The following PDE10A variants were observed in gnomAD, a reference collection of about 807,000 sequenced individuals.
PDE10A encodes cAMP and cAMP-inhibited cGMP 3',5'-cyclic phosphodiesterase 10A.
PDE10A carries 39 observed loss-of-function variants against 97.7 expected under a neutral mutation model. That is an observed-to-expected ratio of 0.40 (90% CI 0.31 to 0.52). The LOEUF (loss-of-function observed/expected upper bound fraction) is 0.52. Among genes scored for constraint, PDE10A ranks in the 20% least tolerant of loss-of-function variants. The pLI, the probability that PDE10A is intolerant of heterozygous loss-of-function variation, is 0.56. For missense variants in PDE10A, 731 were observed against 1,047.8 expected (o/e 0.70, Z 4.17); for synonymous variants, 371 against 376.8 (o/e 0.98, Z 0.18).
intron 1 of PDE10A, among the ~76,000 whole-genome samples, chr6:165,834,313 A>G (rs1162417659): frequency 1.3e-5 from 2 of 152,216 alleles, no homozygotes; most frequent in African/African-American, 4.8e-5. Flanking sequence ...CACACTTTCC[A>G]AACTGGCAGT....
intron 3 of PDE10A, among the ~76,000 whole-genome samples, chr6:165,465,086 T>G (rs1778555973): frequency 6.6e-6 from 1 of 152,224 alleles, no homozygotes; most frequent in South Asian, 2.1e-4. Flanking sequence ...GTTACCCCCC[T>G]TTTTTCAGTG....
chr6:165,645,326 T>TA (rs1003500561), intron 1 of PDE10A, among the ~76,000 whole-genome samples: 1 of 152,166 alleles, frequency 6.6e-6, no homozygotes, highest in African/African-American at 2.4e-5. Context: ...CTTCACTCCC[T>TA]ACTCCTGCCT....
chr6:165,612,495 A>G (rs1452361693), intron 1 of PDE10A, among the ~76,000 whole-genome samples: 1 of 151,778 alleles, frequency 6.6e-6, no homozygotes, highest in Admixed American at 6.6e-5. Flanking sequence ...CAGCCTCCCT[A>G]TTAGCTGGGA....
chr6:165,541,067 A>G (rs1046290625), intron 2 of PDE10A, among the ~76,000 whole-genome samples: 2 of 152,208 alleles, frequency 1.3e-5, no homozygotes, highest in Admixed American at 6.5e-5. Context: ...ATGATGAGAT[A>G]CATTCTTTTG....
chr6:165,531,750 C>A (rs1159947612), intron 2 of PDE10A, among the ~76,000 whole-genome samples: 2 of 107,094 alleles, frequency 1.9e-5, no homozygotes, highest in Non-Finnish European at 4.5e-5. Context: ...TATAGTTCTG[C>A]AACTCACCAT....
chr6:165,906,009 TTCCTTCCC>T (rs1782258227), intron 1 of PDE10A, among the ~76,000 whole-genome samples: 1 of 31,678 alleles, frequency 3.2e-5, no homozygotes, highest in Non-Finnish European at 6.0e-5. Flanking sequence ...CCTTCCTTCC[TTCCTTCCC>T]TCCCTCCCTT....
In PDE10A at chr6:165,608,452, T is replaced by C. The variant is rs1421821721; in HGVS notation, c.865+53495A>G. Among the ~76,000 whole-genome samples the C allele has an allele frequency of 2.6e-5, 4 of 152,068 alleles. No homozygotes were observed. The East Asian group carries it at 7.7e-4, about 29-fold the overall frequency. On this transcript the variant is annotated intron_variant, in intron 1 of 21. Transcript: ENST00000539869. ...AAAGGACATGAACTCATCCTTTTTT[T>C]ATGGCTGCATAGTATTCCATGGTGT... is the stretch of plus-strand genomic sequence containing the variant.
At chr6:165,491,973 C>T (rs569408931) in intron 2 of PDE10A, among the ~76,000 whole-genome samples, 1 of 151,626 alleles carries the variant, frequency 6.6e-6, no homozygotes, top group East Asian at 1.9e-4. Context: ...CAAGATTAAC[C>T]AAGAAAAGAA....
chr6:165,802,285 A>G (rs1779005482), intron 1 of PDE10A, among the ~76,000 whole-genome samples: 2 of 152,298 alleles, frequency 1.3e-5, no homozygotes, highest in South Asian at 4.1e-4. Flanking sequence ...GCAGCTGGGA[A>G]TGGCCCTCCC....
intron 1 of PDE10A, among the ~76,000 whole-genome samples, chr6:165,867,241 A>C (rs1247534489): frequency 7.3e-5 from 11 of 151,566 alleles, no homozygotes; most frequent in Non-Finnish European, 1.6e-4. Context: ...AAAAAAAAAA[A>C]AAACCATGAG....
chr6:165,677,611 T>C (rs1265093453), intron 1 of PDE10A, among the ~76,000 whole-genome samples: 5 of 152,250 alleles, frequency 3.3e-5, no homozygotes, highest in African/African-American at 9.6e-5. Flanking sequence ...ATTTAAAGTA[T>C]ACAGGAGGAT....
intron 16 of PDE10A, among the ~76,000 whole-genome samples, chr6:165,391,881 G>A (rs1012090891): frequency 1.3e-5 from 2 of 152,184 alleles, no homozygotes; most frequent in African/African-American, 2.4e-5. Context: ...AAAGATGACA[G>A]CTCCTTTCTC....
At chr6:165,724,290 T>C (rs1021943842) in intron 1 of PDE10A, among the ~76,000 whole-genome samples, 29 of 152,054 alleles carry the variant, frequency 1.9e-4, no homozygotes, top group African/African-American at 6.8e-4. Context: ...ACCTATAACA[T>C]GAGGTCATCA....
chr6:165,759,365 G>A (rs1421161458), intron 1 of PDE10A, among the ~76,000 whole-genome samples: 1 of 152,212 alleles, frequency 6.6e-6, no homozygotes, highest in African/African-American at 2.4e-5. Context: ...GAATCTCTCA[G>A]TGGAGCTCTC....
rs2128433028 is a variant in PDE10A, at chr6:165,662,699, G to T, written c.113C>A (p.Ala38Glu). Residue 38 changes from alanine (A) to glutamate (E), a missense_variant, in exon 1 of 22, where the codon GCG (alanine) becomes GAG (glutamate). Ala to Glu is a moderately radical substitution (Grantham distance 107). Around this residue, in one of 8 missense-constraint regions of PDE10A, gnomAD observed 181 missense variants for 159.1 expected, o/e 1.14. Coordinates refer to ENST00000539869, the MANE Select transcript of PDE10A (RefSeq NM_001385079.1). The part of the protein sequence containing the change: ...GKLRPEPRLS[A>E]AGGGSAAGPG... Reference sequence around the variant, plus strand: ...GCCCGCCGCGCTCCCCCCGCCGGCCGCGCTGAGCCGGGGTTCCGGGCGGAG... The same window carrying T: ...GCCCGCCGCGCTCCCCCCGCCGGCCTCGCTGAGCCGGGGTTCCGGGCGGAG... 1 of 146,410 alleles carries T rather than the reference G, an allele frequency of 6.8e-6. No individual in the cohort carries two copies. Among genetic ancestry groups the T allele is most frequent in the East Asian group, 2.1e-4 (1 of 4,860 alleles). The allele number at this position is 146,410 out of a possible 1,614,324, so 9.1% of individuals were successfully genotyped here.
intron 10 of PDE10A, among the ~76,000 whole-genome samples, chr6:165,421,222 T>C (rs1314225058): frequency 6.6e-6 from 1 of 152,108 alleles, no homozygotes; most frequent in Non-Finnish European, 1.5e-5. Context: ...TGGGCAGATC[T>C]CTTGAGCCCA....
At chr6:165,944,694 T>A (rs1234774393) in intron 1 of PDE10A, among the ~76,000 whole-genome samples, 1 of 152,206 alleles carries the variant, frequency 6.6e-6, no homozygotes, top group Non-Finnish European at 1.5e-5. Flanking sequence ...AGAGCAGAAC[T>A]AACTGCCTGT....
intron 2 of PDE10A, among the ~76,000 whole-genome samples, chr6:165,498,663 T>C (rs994934074): frequency 2.6e-5 from 4 of 152,058 alleles, no homozygotes; most frequent in African/African-American, 9.7e-5. Flanking sequence ...GTAGAAGATC[T>C]TGGCACTAAA....
chr6:165,700,993 C>T (rs755855087), intron 1 of PDE10A, among the ~76,000 whole-genome samples: 9 of 152,158 alleles, frequency 5.9e-5, no homozygotes, highest in Non-Finnish European at 8.8e-5. Context: ...ACCTGGATTC[C>T]ATCAGTGCTG....
Sources: gnomAD v4.1 joint callset for allele counts (sites outside exome capture counted in the v4.1 genomes callset) on GRCh38, gnomAD v4.1.1 for gene constraint, gnomAD v4.1.1 regional missense constraint, MANE v1.5 for transcripts, NCBI Gene and HGNC (gene_info 2026-07-23, HGNC 2026-07-21) for gene names.